Variants in MTX2 observed in about 807,000 individuals in gnomAD.
MTX2 encodes metaxin-2.
Under a neutral mutation model 42.3 loss-of-function variants are expected in MTX2, and 35 were observed. The observed-to-expected ratio is 0.83, with a 90% CI of 0.63 to 1.10. MTX2 has a LOEUF of 1.10. Among genes scored for constraint, MTX2 ranks in the 50% least tolerant of loss-of-function variants. The pLI is 0.00. For missense variants in MTX2, 307 were observed against 304.1 expected (o/e 1.01, Z -0.07); for synonymous variants, 119 against 100.9 (o/e 1.18, Z -1.08).
At chr2:176,272,568 A>T (rs1692847266) in intron 1 of MTX2, among the ~76,000 whole-genome samples, 1 of 152,140 alleles carries the variant, frequency 6.6e-6, no homozygotes, top group Non-Finnish European at 1.5e-5. Context: ...TACAAAAATT[A>T]TGGTATGGTC....
chr2:176,330,506 A>C, intron 8 of MTX2, 78 bp from the exon 9 acceptor site: 1 of 1,024,470 alleles, frequency 9.8e-7, no homozygotes, highest in Non-Finnish European at 1.4e-6. Context: ...ATAAACTGTG[A>C]TACAAGTTAC....
intron 1 of MTX2, among the ~76,000 whole-genome samples, chr2:176,280,233 T>C (rs1205219690): frequency 1.3e-5 from 2 of 152,166 alleles, no homozygotes; most frequent in Admixed American, 6.5e-5. Flanking sequence ...ATTCAAGATA[T>C]TGGATTAATA....
chr2:176,309,119 A>T (rs1277517542), intron 3 of MTX2, among the ~76,000 whole-genome samples: 1 of 152,296 alleles, frequency 6.6e-6, no homozygotes, highest in East Asian at 1.9e-4. Context: ...TTCAAAGAAC[A>T]TCTTTATTTC....
chr2:176,334,773 C>T (rs1337431653), intron 9 of MTX2, among the ~76,000 whole-genome samples: 1 of 151,868 alleles, frequency 6.6e-6, no homozygotes, highest in Non-Finnish European at 1.5e-5. Context: ...ACTTCAGTTC[C>T]TTAGATACTG....
chr2:176,328,145 A>G (rs1471790054), intron 5 of MTX2, 148 bp from the exon 6 acceptor site: 1 of 415,034 alleles, frequency 2.4e-6, no homozygotes, highest in Non-Finnish European at 4.4e-6. Context: ...AGTATTATTT[A>G]TGCTTTTATA....
chr2:176,336,842 A>G (rs959714804), intron 9 of MTX2, among the ~76,000 whole-genome samples: 2 of 152,170 alleles, frequency 1.3e-5, no homozygotes, highest in African/African-American at 4.8e-5. Context: ...GATGAATAAA[A>G]TGATTTTAAA....
At chr2:176,293,731 A>T (rs114480998) in intron 1 of MTX2, among the ~76,000 whole-genome samples, 1,597 of 152,296 alleles carry the variant, frequency 0.01, 28 homozygotes, top group African/African-American at 0.037. Flanking sequence ...ATGAGCCAAA[A>T]TAAACTTCTT....
chr2:176,334,472 TC>T (rs781004013), intron 9 of MTX2, among the ~76,000 whole-genome samples: 11 of 151,942 alleles, frequency 7.2e-5, no homozygotes, highest in Non-Finnish European at 1.3e-4. Flanking sequence ...CCACTCTACA[TC>T]CTTGGTTTTT....
chr2:176,270,427 A>G, intron 1 of MTX2: 1 of 1,354,200 alleles, frequency 7.4e-7, no homozygotes, highest in Non-Finnish European at 9.9e-7. Flanking sequence ...TAGGTTTGTA[A>G]TTTCTCTTAT....
intron 1 of MTX2, among the ~76,000 whole-genome samples, chr2:176,286,208 T>A (rs1458109983): frequency 6.6e-6 from 1 of 152,198 alleles, no homozygotes; most frequent in Admixed American, 6.5e-5. Context: ...ATTTTAAAAA[T>A]TGGGTTATGT....
In MTX2 at chr2:176,329,310, G is replaced by GCT. The variant is rs1558944786; in HGVS notation, c.428_429dup (p.Arg144LeufsTer11). 3 of 1,604,344 alleles carry GCT rather than the reference G, an allele frequency of 1.9e-6. No homozygotes were observed. The highest frequency in any genetic ancestry group is 1.7e-5 in the Admixed American group (1 of 59,290). Reference sequence around the variant, plus strand: ...AATCTTTTTACTTTAGATCACTCATGCTAGGTATGGATCTCCTTACCCTTG... The same window carrying GCT: ...AATCTTTTTACTTTAGATCACTCATGCTCTAGGTATGGATCTCCTTACCCTTG... On this transcript the variant is annotated frameshift_variant, in exon 8 of 10. Transcript: ENST00000249442. LOFTEE classifies it high-confidence loss of function.
intron 3 of MTX2, among the ~76,000 whole-genome samples, chr2:176,309,867 G>T (rs1157098704): frequency 2.6e-5 from 4 of 151,870 alleles, no homozygotes; most frequent in Admixed American, 6.6e-5. Flanking sequence ...CAATTTGCCA[G>T]TCTGTGTCTT....
chr2:176,325,186 T>C (rs1359980073), intron 4 of MTX2, among the ~76,000 whole-genome samples: 1 of 151,794 alleles, frequency 6.6e-6, no homozygotes, highest in African/African-American at 2.4e-5. Flanking sequence ...TGCCAACTTG[T>C]TTGGCAACAT....
intron 3 of MTX2, chr2:176,304,453 G>A (rs1366726064): frequency 6.6e-6 from 1 of 152,038 alleles, no homozygotes; most frequent in Non-Finnish European, 1.5e-5. Flanking sequence ...TGGCTGTTAT[G>A]GTAACTGGAT....
intron 1 of MTX2, among the ~76,000 whole-genome samples, 158 bp from the exon 2 acceptor site, chr2:176,296,702 A>G (rs1419339753): frequency 6.6e-6 from 1 of 152,216 alleles, no homozygotes; most frequent in Non-Finnish European, 1.5e-5. Flanking sequence ...TATACAGGTT[A>G]CCATAGAATC....
intron 3 of MTX2, among the ~76,000 whole-genome samples, chr2:176,312,793 G>C (rs1575052475): frequency 6.7e-6 from 1 of 149,868 alleles, no homozygotes; most frequent in African/African-American, 2.5e-5. Context: ...AATCTGGGAG[G>C]CGGAGGTTGC....
At chr2:176,273,885 G>T (rs1435247104) in intron 1 of MTX2, among the ~76,000 whole-genome samples, 1 of 146,168 alleles carries the variant, frequency 6.8e-6, no homozygotes, top group African/African-American at 2.5e-5. Context: ...TGGGTTTTTT[G>T]TTTGTTTTGT....
At chr2:176,305,392 C>A (rs1435306792) in intron 3 of MTX2, among the ~76,000 whole-genome samples, 2 of 152,016 alleles carry the variant, frequency 1.3e-5, no homozygotes, top group African/African-American at 4.8e-5. Flanking sequence ...CCCAACTGTT[C>A]ATTGAGTGCT....
chr2:176,301,080 A>G (rs537402515), intron 3 of MTX2, among the ~76,000 whole-genome samples: 2 of 152,296 alleles, frequency 1.3e-5, no homozygotes, highest in East Asian at 3.9e-4. Flanking sequence ...TAACTTTTGT[A>G]TCATTCTTTA....
Sources: allele counts gnomAD v4.1 joint callset (sites outside exome capture counted in the v4.1 genomes callset), GRCh38; gene constraint gnomAD v4.1.1; transcripts MANE v1.5; gene names NCBI Gene and HGNC (gene_info 2026-07-23, HGNC 2026-07-21).